The following CALN1 variants were observed in gnomAD, a reference collection of about 807,000 sequenced individuals.
CALN1 encodes the protein calcium-binding protein 8.
In CALN1, 17 loss-of-function variants were observed where a neutral mutation model predicts 30.6. The ratio of observed to expected loss-of-function variants is 0.56; its 90% confidence interval spans 0.38 to 0.83. The LOEUF (loss-of-function observed/expected upper bound fraction) is 0.83. Among genes scored for constraint, CALN1 ranks in the 40% least tolerant of loss-of-function variants. The pLI is 0.00. For synonymous variants in CALN1, 156 were observed against 131.4 expected (o/e 1.19, Z -1.28); for missense variants, 291 against 354.9 (o/e 0.82, Z 1.45).
intron 3 of CALN1, among the ~76,000 whole-genome samples, chr7:72,213,998 G>T (rs935204189): frequency 7.2e-5 from 11 of 152,224 alleles, no homozygotes; most frequent in Non-Finnish European, 1.5e-4. Flanking sequence ...TAGGCAGGGG[G>T]TACCCAACAA....
intron 4 of CALN1, among the ~76,000 whole-genome samples, chr7:72,042,846 T>C (rs1052758357): frequency 4.6e-5 from 7 of 152,300 alleles, no homozygotes; most frequent in African/African-American, 1.4e-4. Flanking sequence ...GTTTTAGGAA[T>C]GGTGGGACCC....
At chr7:72,197,036 A>G (rs1462566617) in intron 3 of CALN1, among the ~76,000 whole-genome samples, 2 of 152,164 alleles carry the variant, frequency 1.3e-5, no homozygotes, top group African/African-American at 2.4e-5. Context: ...GATGCACTTA[A>G]AACTATGAAA....
rs142901150 is a variant in CALN1 at position 71,869,259 on chromosome 7, G to A, written c.502-58767C>T. 3.2e-3 allele frequency among the ~76,000 whole-genome samples: 479 copies of A among 150,950 alleles called. 1 individual carries two copies. The highest frequency in any genetic ancestry group is 0.011 in the African/African-American group (458 of 41,040). On this transcript the variant is annotated intron_variant, in intron 5 of 6. Transcript: ENST00000395275. ...GAGTTTCACTCTTGTTGCCCAAGCT[G>A]GAGTGCAATGGCACGATATTGGCTC...
Position 72,338,525 on chromosome 7 carries a change from G to GTGTGTGTGTCTGTCTGTC in CALN1, c.120-59716_120-59715insGACAGACAGACACACACA. 1.7e-3 allele frequency among the ~76,000 whole-genome samples: 203 copies of GTGTGTGTGTCTGTCTGTC among 122,360 alleles called. 4 individuals are homozygous for GTGTGTGTGTCTGTCTGTC. Among genetic ancestry groups the GTGTGTGTGTCTGTCTGTC allele is most frequent in the African/African-American group, 3.5e-3 (113 of 32,082 alleles). The allele number at this position is 122,360 out of a possible 152,430, so 80.3% of individuals were successfully genotyped here. A position where few individuals can be genotyped will look rare whatever the true frequency, so the allele number is the denominator to read the frequency against. ...TGTGTGTGTGTGTGTGTGTGTGTGT[G>GTGTGTGTGTCTGTCTGTC]TGTCTCACCTGGGTGTGGTTTCAGA... On this transcript the variant is annotated intron_variant, in intron 2 of 6. Transcript: ENST00000395275.
At chr7:72,453,988 CAA>C in the CALN1 span, among the ~76,000 whole-genome samples, 51 of 146,064 alleles carry the variant, frequency 3.5e-4, no homozygotes, top group Admixed American at 7.4e-4. Flanking sequence ...AATTCACAAC[CAA>C]AAAATATATA....
At chr7:72,201,747 A>T (rs946436304) in intron 3 of CALN1, among the ~76,000 whole-genome samples, 4 of 150,644 alleles carry the variant, frequency 2.7e-5, no homozygotes, top group Non-Finnish European at 5.9e-5. Context: ...TAAAAAAAAA[A>T]AAAAAAAAAG....
At chr7:71,920,578 G>A (rs918292139) in intron 5 of CALN1, among the ~76,000 whole-genome samples, 4 of 151,842 alleles carry the variant, frequency 2.6e-5, no homozygotes, top group African/African-American at 7.3e-5. Flanking sequence ...CTCGTGATCC[G>A]ACTGCCTCAG....
At chr7:72,363,281 T>G (rs925856445) in intron 2 of CALN1, among the ~76,000 whole-genome samples, 31 of 152,170 alleles carry the variant, frequency 2.0e-4, no homozygotes, top group African/African-American at 7.2e-4. Context: ...CTCTGTTGCC[T>G]AGGCTGGAGT....
chr7:71,863,852 C>A (rs1791441281), intron 5 of CALN1, among the ~76,000 whole-genome samples: 1 of 152,080 alleles, frequency 6.6e-6, no homozygotes. Flanking sequence ...TCTATGTTTC[C>A]AGCTCTCTCT....
intron 5 of CALN1, among the ~76,000 whole-genome samples, chr7:71,889,540 T>C (rs1584454040): frequency 6.6e-6 from 1 of 151,990 alleles, no homozygotes; most frequent in Non-Finnish European, 1.5e-5. Context: ...CCTAACCACA[T>C]CCCGAAAGGC....
chr7:72,399,615 C>G (rs1006916834), intron 2 of CALN1, among the ~76,000 whole-genome samples: 1 of 152,120 alleles, frequency 6.6e-6, no homozygotes, highest in African/African-American at 2.4e-5. Flanking sequence ...TAATTTGAGT[C>G]TTGTAGGGAT....
chr7:72,402,110 C>A (rs1045613554), intron 2 of CALN1, among the ~76,000 whole-genome samples: 15 of 152,170 alleles, frequency 9.9e-5, no homozygotes, highest in Non-Finnish European at 2.9e-5. Context: ...TTTGTCATTT[C>A]CAGCTTTACA....
intron 3 of CALN1, among the ~76,000 whole-genome samples, chr7:72,148,101 TAAAA>T (rs71300800): frequency 2.2e-5 from 2 of 92,158 alleles, no homozygotes; most frequent in Admixed American, 1.1e-4. Flanking sequence ...TAAAAAAAAA[TAAAA>T]AAAAAAAACA....
At chr7:72,302,893 C>CAAAAAAAAAAAAA (rs71069055) in intron 2 of CALN1, among the ~76,000 whole-genome samples, 35 of 48,736 alleles carry the variant, frequency 7.2e-4, no homozygotes, top group South Asian at 1.6e-3. Context: ...GTGAGGGTCT[C>CAAAAAAAAAAAAA]AAAAAAAAAA....
chr7:72,049,164 T>A (rs2129535480), intron 4 of CALN1, among the ~76,000 whole-genome samples: 1 of 152,078 alleles, frequency 6.6e-6, no homozygotes, highest in South Asian at 2.1e-4. Flanking sequence ...TCCAGAAGCA[T>A]AATAAATAGC....
intron 5 of CALN1, among the ~76,000 whole-genome samples, chr7:71,812,920 C>CATTATT (rs773115023): frequency 1.0e-5 from 1 of 97,890 alleles, no homozygotes; most frequent in Non-Finnish European, 2.4e-5. Context: ...TTTTATTTAT[C>CATTATT]ATCATCATCA....
intron 3 of CALN1, among the ~76,000 whole-genome samples, chr7:72,122,624 A>T (rs1474097479): frequency 6.6e-6 from 1 of 152,038 alleles, no homozygotes; most frequent in East Asian, 1.9e-4. Context: ...TACTGGGGAG[A>T]CTGAGGTGGG....
chr7:72,383,615 G>A (rs1562936652), intron 2 of CALN1, among the ~76,000 whole-genome samples: 1 of 152,158 alleles, frequency 6.6e-6, no homozygotes, highest in East Asian at 1.9e-4. Flanking sequence ...GGCGCAGATG[G>A]TCCTTGTATA....
chr7:72,002,730 A>G (rs1799587542), intron 5 of CALN1, among the ~76,000 whole-genome samples: 1 of 152,212 alleles, frequency 6.6e-6, no homozygotes, highest in African/African-American at 2.4e-5. Context: ...TCAGCTTTTA[A>G]AAAGAAGGAA....
Sources: allele counts gnomAD v4.1 joint callset (sites outside exome capture counted in the v4.1 genomes callset), GRCh38; gene constraint gnomAD v4.1.1; transcripts MANE v1.5; gene names NCBI Gene and HGNC (gene_info 2026-07-23, HGNC 2026-07-21).